EFR3B: variants seen among roughly 807,000 people sequenced by gnomAD.
EFR3B encodes the protein EFR3 homolog B, also known as protein EFR3 homolog B.
EFR3B carries 64 observed loss-of-function variants against 104.7 expected under a neutral mutation model. The observed-to-expected ratio is 0.61, with a 90% confidence interval of 0.50 to 0.75. The LOEUF (loss-of-function observed/expected upper bound fraction) is 0.75, where lower values mean the gene tolerates loss of function less well. Ranked by LOEUF, EFR3B falls within the 30% of genes least tolerant of loss-of-function variation. The probability of loss-of-function intolerance (pLI) is 0.00; values close to 1 mark genes in which losing one functional copy is unlikely to be tolerated. For synonymous variants in EFR3B, 385 were observed against 417.9 expected, an observed-to-expected ratio of 0.92 and a Z score of 0.96; for missense variants, 750 against 1,078.5, an observed-to-expected ratio of 0.70 and a Z score of 4.27.
intron 3 of EFR3B, among the ~76,000 whole-genome samples, chr2:25,098,906 C>T (rs1318289055): frequency 1.2e-5 from 1 of 84,136 alleles, no homozygotes; most frequent in Admixed American, 1.9e-4. Flanking sequence ...GGCATTTTTT[C>T]AGGAAGAGGA....
chr2:25,128,853 C>A (rs537933742), intron 6 of EFR3B, among the ~76,000 whole-genome samples: 1 of 150,950 alleles, frequency 6.6e-6, no homozygotes, highest in South Asian at 2.1e-4. Context: ...GTCCCAGCTA[C>A]TCGGGAGGCT....
At chr2:25,141,462 G>T in intron 17 of EFR3B, 29 bp downstream of exon 17, 1 of 1,549,650 alleles carries the variant, frequency 6.5e-7, no homozygotes, top group South Asian at 1.2e-5. Context: ...ACGTGGTCAG[G>T]GATCCCCAGG....
chr2:25,145,911 A>C (rs1297883442), intron 19 of EFR3B: 1 of 151,860 alleles, frequency 6.6e-6, no homozygotes, highest in African/African-American at 2.4e-5. Context: ...GTATCATCTG[A>C]AGTCTGTCGT....
intron 1 of EFR3B, among the ~76,000 whole-genome samples, chr2:25,052,533 G>A (rs762827015): frequency 3.0e-4 from 36 of 119,972 alleles, no homozygotes; most frequent in African/African-American, 1.1e-3. Flanking sequence ...ACGGAGTCTC[G>A]CTCTGTCGCC....
chr2:25,084,957 G>T (rs186647689), intron 1 of EFR3B, among the ~76,000 whole-genome samples: 1 of 152,212 alleles, frequency 6.6e-6, no homozygotes. Flanking sequence ...GTGATTTGGG[G>T]GCCCCAAGAT....
intron 3 of EFR3B, 110 bp from the exon 4 acceptor site, chr2:25,103,527 T>C: frequency 7.0e-7 from 1 of 1,421,348 alleles, no homozygotes; most frequent in South Asian, 1.5e-5. Flanking sequence ...GGGAGCCTCA[T>C]TACCCGGATG....
chr2:25,074,203 C>G (rs1477397037), intron 1 of EFR3B, among the ~76,000 whole-genome samples: 1 of 152,152 alleles, frequency 6.6e-6, no homozygotes, highest in East Asian at 1.9e-4. Flanking sequence ...TGCTGGGATG[C>G]TCTTGTGCCT....
chr2:25,143,928 G>A, intron 18 of EFR3B, 66 bp downstream of exon 18: 1 of 1,516,044 alleles, frequency 6.6e-7, no homozygotes, highest in Non-Finnish European at 8.9e-7. Flanking sequence ...AAGGGCCTGA[G>A]CATAAGGGAC....
chr2:25,068,997 G>A (rs1452268706), intron 1 of EFR3B, among the ~76,000 whole-genome samples: 2 of 147,530 alleles, frequency 1.4e-5, no homozygotes, highest in African/African-American at 5.0e-5. Context: ...GCAGTGGCGC[G>A]ATCTTGGCTC....
intron 1 of EFR3B, among the ~76,000 whole-genome samples, chr2:25,073,484 A>G (rs1216314816): frequency 2.0e-5 from 3 of 151,822 alleles, no homozygotes; most frequent in Non-Finnish European, 2.9e-5. Flanking sequence ...CAGCCTCCCA[A>G]ATAGCTGGGA....
intron 16 of EFR3B, among the ~76,000 whole-genome samples, chr2:25,139,883 G>A (rs1670617014): frequency 6.6e-6 from 1 of 152,216 alleles, no homozygotes; most frequent in Admixed American, 6.5e-5. Flanking sequence ...AGCTCATTAA[G>A]TGATCAGTAA....
At position 25,143,831 on chromosome 2, in the gene EFR3B, G is replaced by C; in HGVS notation, c.2019G>C (p.Arg673=). ...GAGGCAGTGGCTACAACTCGGACCGGCTCTGCCTGCCCTACATTCCTCAGC... is the reference window on the plus strand; with the variant it reads ...GAGGCAGTGGCTACAACTCGGACCGCCTCTGCCTGCCCTACATTCCTCAGC... ...VLGGSGYNSD[R]LCLPYIPQLT... is the part of the protein sequence containing the mutation. Residue 673 remains arginine, a synonymous_variant, in exon 18 of 23, where the codon CGG becomes CGC. Transcript: ENST00000403714. The C allele has an allele frequency of 6.4e-7, 1 of 1,551,634 alleles. No individual in the cohort carries two copies. The highest frequency in any genetic ancestry group is 8.7e-7 in the Non-Finnish European group (1 of 1,146,972).
intron 16 of EFR3B, 82 bp downstream of exon 16, chr2:25,139,272 C>G (rs985647941): frequency 6.9e-7 from 1 of 1,449,956 alleles, no homozygotes; most frequent in Non-Finnish European, 9.2e-7. Flanking sequence ...TTGCATTAGT[C>G]CTGTACCTAC....
intron 20 of EFR3B, among the ~76,000 whole-genome samples, chr2:25,151,319 G>T (rs1334745710): frequency 6.6e-6 from 1 of 151,722 alleles, no homozygotes; most frequent in African/African-American, 2.4e-5. Context: ...GCAATGGCGT[G>T]ATCTTGGCTC....
At chr2:25,148,718 C>T (rs1255827524) in intron 19 of EFR3B, among the ~76,000 whole-genome samples, 10 of 149,602 alleles carry the variant, frequency 6.7e-5, no homozygotes, top group Admixed American at 4.6e-4. Context: ...GTCAGGAGAT[C>T]GAGACCATCC....
At chr2:25,135,327 A>G (rs1418194722) in intron 12 of EFR3B, 140 bp from the exon 13 acceptor site, 1 of 936,456 alleles carries the variant, frequency 1.1e-6, no homozygotes, top group Non-Finnish European at 1.6e-6. Context: ...CCTGGGCTGT[A>G]GGGTAGGGGA....
intron 18 of EFR3B, 32 bp downstream of exon 18, chr2:25,143,894 G>C: frequency 6.5e-7 from 1 of 1,546,184 alleles, no homozygotes; most frequent in Non-Finnish European, 8.7e-7. Context: ...GCCCGGGCCT[G>C]CCTCTGTCTT....
intron 1 of EFR3B, chr2:25,080,529 A>C: frequency 2.1e-6 from 1 of 484,554 alleles, no homozygotes; most frequent in Non-Finnish European, 3.6e-6. Flanking sequence ...TCCTGACCTC[A>C]GGTATCTGCC....
At chr2:25,082,193 T>C (rs1573188709) in intron 1 of EFR3B, among the ~76,000 whole-genome samples, 1 of 152,224 alleles carries the variant, frequency 6.6e-6, no homozygotes, top group Non-Finnish European at 1.5e-5. Flanking sequence ...GTGCTGGAAT[T>C]GTGGTGGAGC....
Sources: gnomAD v4.1 joint callset for allele counts (sites outside exome capture counted in the v4.1 genomes callset) on GRCh38, gnomAD v4.1.1 for gene constraint, MANE v1.5 for transcripts, NCBI Gene and HGNC (gene_info 2026-07-23, HGNC 2026-07-21) for gene names.